Variants in CHRM5 observed in about 807,000 individuals in gnomAD.
CHRM5 encodes cholinergic receptor muscarinic 5.
CHRM5 carries 18 observed loss-of-function variants against 39.0 expected under a neutral mutation model. The ratio of observed to expected loss-of-function variants is 0.46; its 90% CI spans 0.32 to 0.68. CHRM5 has a LOEUF of 0.68. Ranked by LOEUF, CHRM5 falls within the 30% of genes least tolerant of loss-of-function variation. The pLI is 0.04. For missense variants in CHRM5, 515 were observed against 651.1 expected, an observed-to-expected ratio of 0.79 and a Z score of 2.28; for synonymous variants, 241 against 246.3, an observed-to-expected ratio of 0.98 and a Z score of 0.20.
chr15:33,979,149 A>G (rs1896023781), intron 1 of CHRM5, among the ~76,000 whole-genome samples: 1 of 152,190 alleles, frequency 6.6e-6, no homozygotes, highest in Non-Finnish European at 1.5e-5. Context: ...AAAGGACACA[A>G]CCACAGAAGA....
intron 1 of CHRM5, among the ~76,000 whole-genome samples, chr15:34,025,913 G>A (rs1898448382): frequency 6.6e-6 from 1 of 152,182 alleles, no homozygotes; most frequent in African/African-American, 2.4e-5. Flanking sequence ...TCACCACCCA[G>A]AGATAATCCT....
chr15:34,035,360 T>G (rs927636337), intron 1 of CHRM5, among the ~76,000 whole-genome samples: 3 of 152,170 alleles, frequency 2.0e-5, no homozygotes, highest in Non-Finnish European at 2.9e-5. Context: ...TAAAACCTTA[T>G]AACCATACTA....
chr15:34,017,483 T>TG (rs1491213654), intron 1 of CHRM5, among the ~76,000 whole-genome samples: 27 of 44,854 alleles, frequency 6.0e-4, no homozygotes, highest in African/African-American at 1.1e-3. Context: ...ATTTTTTTTT[T>TG]GTTTTTTTTT....
chr15:34,033,276 C>A (rs751878783), intron 1 of CHRM5, among the ~76,000 whole-genome samples: 3 of 152,092 alleles, frequency 2.0e-5, no homozygotes, highest in Admixed American at 6.6e-5. Context: ...GAGGCAGAAG[C>A]GGGCGGACTG....
At chr15:33,990,627 C>T (rs184971001) in intron 1 of CHRM5, 1 of 152,216 alleles carries the variant, frequency 6.6e-6, no homozygotes, top group Non-Finnish European at 1.5e-5. Flanking sequence ...AAAGTACAGT[C>T]TCTGCTAGCG....
At chr15:34,040,158 TAAAAAC>T (rs1899406364) in intron 1 of CHRM5, among the ~76,000 whole-genome samples, 2 of 151,808 alleles carry the variant, frequency 1.3e-5, no homozygotes, top group South Asian at 2.1e-4. Context: ...GTCCTGAAAT[TAAAAAC>T]AAAAACAAAA....
chr15:34,011,969 T>G (rs1039115223), intron 1 of CHRM5, among the ~76,000 whole-genome samples: 2 of 152,214 alleles, frequency 1.3e-5, no homozygotes, highest in African/African-American at 4.8e-5. Flanking sequence ...GGAGGTCCTT[T>G]TAGGGAGTCC....
chr15:34,030,372 G>A (rs1307938529), intron 1 of CHRM5, among the ~76,000 whole-genome samples: 2 of 152,116 alleles, frequency 1.3e-5, no homozygotes, highest in South Asian at 4.1e-4. Context: ...TTGAGACGGA[G>A]TCTTGCTCTG....
intron 1 of CHRM5, among the ~76,000 whole-genome samples, chr15:33,996,460 C>T (rs1401931134): frequency 6.6e-6 from 1 of 152,160 alleles, no homozygotes; most frequent in East Asian, 1.9e-4. Flanking sequence ...CAGGCGGGTG[C>T]CCCTCTGGGA....
chr15:33,994,861 G>C (rs1386947109), intron 1 of CHRM5, among the ~76,000 whole-genome samples: 1 of 152,050 alleles, frequency 6.6e-6, no homozygotes, highest in African/African-American at 2.4e-5. Flanking sequence ...TTTGAGAATT[G>C]GACCAGAGGT....
At chr15:34,053,917 G>A (rs534986031) in intron 2 of CHRM5, among the ~76,000 whole-genome samples, 39 of 152,210 alleles carry the variant, frequency 2.6e-4, no homozygotes, top group African/African-American at 9.1e-4. Context: ...GAAAAATTTT[G>A]CAATCTATCC....
rs547595293 is a variant in CHRM5, at chr15:34,002,774, C to T, written c.-408+33624C>T. ...TCAAATTTACAGCAGCATGGCTCAG[C>T]TTTTTCCACTTATAGAAAGCCTTTT... On this transcript the variant is annotated intron_variant, in intron 1 of 2. Transcript: ENST00000383263. Among the ~76,000 whole-genome samples, 3 of 152,286 alleles carry T rather than the reference C, an allele frequency of 2.0e-5. No homozygotes were observed. In the South Asian group the frequency reaches 6.2e-4, roughly 32 times the overall value.
At chr15:34,027,702 G>C (rs1263004907) in intron 1 of CHRM5, among the ~76,000 whole-genome samples, 1 of 151,852 alleles carries the variant, frequency 6.6e-6, no homozygotes, top group Admixed American at 6.6e-5. Context: ...CTCAGGCCTT[G>C]ACGTTATCCA....
At chr15:33,984,480 G>A (rs1403097277) in intron 1 of CHRM5, among the ~76,000 whole-genome samples, 1 of 151,466 alleles carries the variant, frequency 6.6e-6, no homozygotes, top group East Asian at 1.9e-4. Context: ...TCGGCTCACT[G>A]CAACCTCCAC....
intron 1 of CHRM5, among the ~76,000 whole-genome samples, chr15:34,004,349 C>A (rs1253698417): frequency 1.3e-5 from 2 of 152,062 alleles, no homozygotes; most frequent in Non-Finnish European, 2.9e-5. Context: ...ATAAGGAACC[C>A]AGTTTCTTCA....
At position 34,065,054 on chromosome 15, in the gene CHRM5, C is replaced by G. The variant is rs988370770; in HGVS notation, c.*738C>G. On this transcript the variant is annotated 3_prime_UTR_variant, in exon 3 of 3. Transcript: ENST00000383263. Reference sequence around the variant, plus strand: ...GTCATACCCAGTCCTTTCAAGGGGCCTCTTTTCTACTAATAAAGATGGATC... The same window carrying G: ...GTCATACCCAGTCCTTTCAAGGGGCGTCTTTTCTACTAATAAAGATGGATC... The G allele has an allele frequency of 6.0e-6, 1 of 166,908 alleles. No individual in the cohort carries two copies. The highest frequency in any genetic ancestry group is 1.5e-5 in the Non-Finnish European group (1 of 68,118). 10.3% of individuals were successfully genotyped at this position (166,908 alleles called of 1,614,324 possible).
At chr15:33,980,628 AGAAAGAAAAGGGAGT>A (rs981124864) in intron 1 of CHRM5, among the ~76,000 whole-genome samples, 120 of 130,710 alleles carry the variant, frequency 9.2e-4, no homozygotes, top group African/African-American at 3.1e-3. Context: ...CATGCACATA[AGAAAGAAAAGGGAGT>A]GACACACAGA....
At chr15:34,009,023 C>T (rs1897513324) in intron 1 of CHRM5, among the ~76,000 whole-genome samples, 2 of 151,810 alleles carry the variant, frequency 1.3e-5, no homozygotes, top group South Asian at 2.1e-4. Context: ...AAAACCAACT[C>T]ATCACAAGGC....
At chr15:34,002,913 A>T in intron 1 of CHRM5, 1 of 995,288 alleles carries the variant, frequency 1.0e-6, no homozygotes, top group Non-Finnish European at 1.4e-6. Context: ...TACTTGAATT[A>T]AAAATCCAAA....
Sources: gnomAD v4.1 joint callset for allele counts (sites outside exome capture counted in the v4.1 genomes callset) on GRCh38, gnomAD v4.1.1 for gene constraint, MANE v1.5 for transcripts, NCBI Gene and HGNC (gene_info 2026-07-23, HGNC 2026-07-21) for gene names.